Variants in SPATC1 observed in about 807,000 individuals in gnomAD.
SPATC1 encodes speriolin.
A neutral mutation model predicts 36.5 loss-of-function variants in SPATC1; 35 were observed. The observed-to-expected ratio is 0.96, with a 90% CI of 0.73 to 1.27. The LOEUF is 1.27. Among genes scored for constraint, SPATC1 ranks in the 50% most tolerant of loss-of-function variants. SPATC1 has a pLI of 0.00. For synonymous variants in SPATC1, 361 were observed against 353.6 expected, an observed-to-expected ratio of 1.02 and a Z score of -0.24; for missense variants, 779 against 796.0, an observed-to-expected ratio of 0.98 and a Z score of 0.26.
At chr8:144,029,202 TAAA>T (rs1165801794) in intron 1 of SPATC1, among the ~76,000 whole-genome samples, 1 of 28,154 alleles carries the variant, frequency 3.6e-5, no homozygotes, top group Non-Finnish European at 7.3e-5. Context: ...ACCCCAGAAC[TAAA>T]AAAAAAAAAA....
At chr8:144,031,328 T>C (rs1322382778) in intron 1 of SPATC1, among the ~76,000 whole-genome samples, 1 of 152,168 alleles carries the variant, frequency 6.6e-6, no homozygotes, top group Non-Finnish European at 1.5e-5. Context: ...ACAGCTTAAA[T>C]ATGTCAAACC....
At chr8:144,029,924 C>G (rs1312654362) in intron 1 of SPATC1, among the ~76,000 whole-genome samples, 1 of 152,170 alleles carries the variant, frequency 6.6e-6, no homozygotes, top group Non-Finnish European at 1.5e-5. Flanking sequence ...GTAGAACGGT[C>G]TATTTCTGAC....
chr8:144,018,876 A>AT (rs1834445249), intron 1 of SPATC1, among the ~76,000 whole-genome samples: 1 of 66,498 alleles, frequency 1.5e-5, no homozygotes, highest in African/African-American at 5.0e-5. Flanking sequence ...TACTAAAAAT[A>AT]CAAAAAAAAA....
Position 144,040,040 on chromosome 8 carries a change from A to T in SPATC1, c.343A>T (p.Ser115Cys). The T allele has an allele frequency of 1.9e-6, 3 of 1,613,690 alleles. No homozygotes were observed. The South Asian group carries it at 3.3e-5, about 18-fold the overall frequency. The stretch of plus-strand genomic sequence containing the variant: ...CAGCGCCACACCGGGCTCACTCATG[A>T]GCCCCCTGACAGGCACCCTCAGCAC... ...QPSATPGSLM[S>C]PLTGTLSTLL... Residue 115 changes from serine to cysteine, a missense_variant, in exon 2 of 5, where the codon AGC (serine) becomes TGC (cysteine). By Grantham distance (112) the Ser-to-Cys change is moderately radical (BLOSUM62 -1). Coordinates refer to ENST00000377470, the MANE Select transcript of SPATC1 (RefSeq NM_198572.3).
chr8:144,040,515 C>T (rs782099142), intron 2 of SPATC1, 52 bp downstream of exon 2: 6 of 1,562,232 alleles, frequency 3.8e-6, no homozygotes, highest in Non-Finnish European at 5.2e-6. Context: ...GCAGAGCCCT[C>T]CCACCTCACT....
At chr8:144,027,024 G>C (rs1254635986) in intron 1 of SPATC1, among the ~76,000 whole-genome samples, 2 of 145,658 alleles carry the variant, frequency 1.4e-5, no homozygotes, top group African/African-American at 5.1e-5. Flanking sequence ...AGTAGAGACG[G>C]GGTTTCACTA....
chr8:144,017,563 C>T (rs1834419700), intron 1 of SPATC1, among the ~76,000 whole-genome samples: 1 of 152,100 alleles, frequency 6.6e-6, no homozygotes, highest in Non-Finnish European at 1.5e-5. Flanking sequence ...GGACAGAGCT[C>T]AGATGGGAAG....
intron 1 of SPATC1, 62 bp downstream of exon 1, chr8:144,012,788 A>T: frequency 6.6e-7 from 1 of 1,524,640 alleles, no homozygotes; most frequent in Non-Finnish European, 8.9e-7. Flanking sequence ...GAGAGGAGAG[A>T]CTCAGTGTGC....
Position 144,040,216 on chromosome 8 carries a change from C to T in SPATC1, c.519C>T (p.Gly173=). 6.2e-7 allele frequency: 1 copy of T among 1,612,798 alleles called. No homozygotes were observed. The highest frequency in any genetic ancestry group is 8.5e-7 in the Non-Finnish European group (1 of 1,179,876). The change falls in exon 2 of 5, where the codon GGC becomes GGT. Residue 173 remains glycine (G), a synonymous_variant. Transcript: ENST00000377470. The part of the protein sequence containing the change: ...GTLTPSSLVA[G]PVAMSQSSPL... ...TGACTCCCAGCAGCCTCGTGGCAGG[C>T]CCTGTGGCCATGTCCCAGAGCAGCC...
At chr8:144,037,709 C>T (rs1032435108) in intron 1 of SPATC1, among the ~76,000 whole-genome samples, 15 of 151,894 alleles carry the variant, frequency 9.9e-5, no homozygotes, top group Admixed American at 2.6e-4. Context: ...AACCAGAGAC[C>T]TTTGTTCACT....
At chr8:144,020,728 C>T (rs1390205522) in intron 1 of SPATC1, among the ~76,000 whole-genome samples, 4 of 37,524 alleles carry the variant, frequency 1.1e-4, no homozygotes, top group South Asian at 7.9e-4. Context: ...AGCCTCTTCC[C>T]TCAGGAGCCT....
At position 144,046,847 on chromosome 8, in the gene SPATC1, G is replaced by A. The variant is rs200337714; in HGVS notation, c.1667G>A (p.Arg556His). The A allele has an allele frequency of 1.9e-5, 30 of 1,602,220 alleles. No individual in the cohort carries two copies. The highest frequency in any genetic ancestry group is 2.2e-5 in the East Asian group (1 of 44,894). ...CCCTACACCGTGGACTTCCTGCAGC[G>A]TGTGGTGGTGGAGACCGTGCACCCC... The part of the protein sequence containing the change: ...GGPYTVDFLQ[R>H]VVVETVHPGM... The change falls in exon 5 of 5, where the codon CGT (arginine) becomes CAT (histidine). Residue 556 changes from arginine (R) to histidine (H), a missense_variant. Coordinates refer to ENST00000377470, the MANE Select transcript of SPATC1 (RefSeq NM_198572.3). The surrounding 1 kb of genome is among the most constrained non-coding windows in gnomAD (Gnocchi z 6.6).
chr8:144,019,817 T>C (rs1271729737), intron 1 of SPATC1, among the ~76,000 whole-genome samples: 2 of 151,836 alleles, frequency 1.3e-5, no homozygotes, highest in African/African-American at 4.8e-5. Context: ...AGCATCCTCC[T>C]CATCCCAGCC....
At chr8:144,038,477 A>G (rs1326946285) in intron 1 of SPATC1, among the ~76,000 whole-genome samples, 1 of 148,952 alleles carries the variant, frequency 6.7e-6, no homozygotes, top group Non-Finnish European at 1.5e-5. Flanking sequence ...TAAAATTATT[A>G]TTTTGAGATG....
At chr8:144,020,239 G>T (rs1460546254) in intron 1 of SPATC1, among the ~76,000 whole-genome samples, 2 of 147,404 alleles carry the variant, frequency 1.4e-5, no homozygotes, top group Non-Finnish European at 3.0e-5. Context: ...GTTCTCTCAG[G>T]ACACTCTTCC....
chr8:144,033,683 A>T (rs2133130401), intron 1 of SPATC1, among the ~76,000 whole-genome samples: 1 of 152,324 alleles, frequency 6.6e-6, no homozygotes, highest in African/African-American at 2.4e-5. Context: ...ACCCATGGGC[A>T]GTGAAAGCAG....
chr8:144,021,389 C>T (rs1834531726), intron 1 of SPATC1, among the ~76,000 whole-genome samples: 2 of 131,940 alleles, frequency 1.5e-5, no homozygotes, highest in East Asian at 2.1e-4. Context: ...AGTATCCTCT[C>T]TCCTCGGGAC....
In SPATC1 at chr8:144,046,538, C is replaced by T; in HGVS notation, c.1447-89C>T. 7.9e-7 allele frequency: 1 copy of T among 1,263,402 alleles called. No homozygotes were observed. Among genetic ancestry groups the T allele is most frequent in the Non-Finnish European group, 1.1e-6 (1 of 905,212 alleles). The allele number at this position is 1,263,402 out of a possible 1,614,324, so 78.3% of individuals were successfully genotyped here. ...CACCCCTCGGATCCTGGCCATCTCA[C>T]AGCCTCACCTGCCCCTCGGTCTTCC... On this transcript the variant is annotated intron_variant, in intron 4 of 4. Coordinates refer to ENST00000377470, the MANE Select transcript of SPATC1 (RefSeq NM_198572.3). The surrounding 1 kb of genome is among the most constrained non-coding windows in gnomAD (Gnocchi z 6.6).
At chr8:144,020,673 C>A (rs1834500023) in intron 1 of SPATC1, among the ~76,000 whole-genome samples, 1 of 7,964 alleles carries the variant, frequency 1.3e-4, no homozygotes, top group South Asian at 3.0e-3. Flanking sequence ...CGCCAGGACC[C>A]TCTCCCCTCG....
Sources: gnomAD v4.1 joint callset for allele counts (sites outside exome capture counted in the v4.1 genomes callset) on GRCh38, gnomAD v4.1.1 for gene constraint, Gnocchi (gnomAD v3.1) non-coding constraint, MANE v1.5 for transcripts, NCBI Gene and HGNC (gene_info 2026-07-23, HGNC 2026-07-21) for gene names.